Variants in DMD observed in about 807,000 individuals in gnomAD.
The protein encoded by DMD is mutant dystrophin.
In DMD, 63 loss-of-function variants were observed where a neutral mutation model predicts 330.1. The observed-to-expected ratio is 0.19, with a 90% confidence interval of 0.16 to 0.24. DMD has a LOEUF of 0.24. Ranked by LOEUF, DMD falls within the 10% of genes least tolerant of loss-of-function variation. The pLI is 1.00. For missense variants in DMD, 3,344 were observed against 2,684.1 expected (o/e 1.25, Z -5.43); for synonymous variants, 1,223 against 959.8 (o/e 1.27, Z -5.07).
intron 63 of DMD, among the ~76,000 whole-genome samples, chrX:31,236,808 CTCTT>C (rs1343598910): frequency 1.8e-5 from 2 of 111,713 alleles, no homozygotes; most frequent in African/African-American, 6.5e-5. Context: ...GCAAAATTTC[CTCTT>C]TATTTATAGC....
chrX:32,852,991 C>T (rs932048427), intron 2 of DMD, among the ~76,000 whole-genome samples: 2 of 111,862 alleles, frequency 1.8e-5, no homozygotes, highest in Non-Finnish European at 3.8e-5. Context: ...AGAAAAGATA[C>T]ATTCCAAAAA....
At chrX:32,613,641 C>G (rs981848567) in intron 12 of DMD, among the ~76,000 whole-genome samples, 1 of 110,371 alleles carries the variant, frequency 9.1e-6, no homozygotes, top group African/African-American at 3.3e-5. Flanking sequence ...AAAATCGTAG[C>G]CTTATTATTT....
intron 1 of DMD, among the ~76,000 whole-genome samples, chrX:33,220,875 T>C (rs10453776): frequency 0.036 from 4,042 of 111,958 alleles, 183 homozygotes; most frequent in African/African-American, 0.12. Context: ...AAGAATTAAT[T>C]GCTATTTATA....
At chrX:32,104,599 C>A (rs753675382) in intron 44 of DMD, among the ~76,000 whole-genome samples, 73 of 111,906 alleles carry the variant, frequency 6.5e-4, no homozygotes, top group African/African-American at 2.3e-3. Context: ...GCACAGTGAT[C>A]TAACCATCAT....
At chrX:31,644,867 T>C (rs2079992048) in intron 54 of DMD, among the ~76,000 whole-genome samples, 2 of 111,560 alleles carry the variant, frequency 1.8e-5, no homozygotes, top group Admixed American at 1.9e-4. Flanking sequence ...ATGAGAAGTG[T>C]ATGGGGGTTT....
At chrX:32,653,089 T>G (rs1266541325) in intron 9 of DMD, among the ~76,000 whole-genome samples, 1 of 111,725 alleles carries the variant, frequency 9.0e-6, no homozygotes, top group African/African-American at 3.3e-5. Flanking sequence ...TTGTAAAAAT[T>G]TTCTCCCATT....
At chrX:31,910,763 G>A (rs1187920648) in intron 47 of DMD, among the ~76,000 whole-genome samples, 1 of 111,745 alleles carries the variant, frequency 8.9e-6, no homozygotes, top group Non-Finnish European at 1.9e-5. Flanking sequence ...GACTTTCTAA[G>A]TGGACCAGGC....
At chrX:33,280,310 C>T (rs771852398) in intron 1 of DMD, among the ~76,000 whole-genome samples, 1 of 112,117 alleles carries the variant, frequency 8.9e-6, no homozygotes, top group African/African-American at 3.2e-5. Context: ...GAATATTTTG[C>T]ATAGCAAAAG....
At chrX:31,297,014 C>T (rs144444059) in intron 62 of DMD, among the ~76,000 whole-genome samples, 352 of 111,088 alleles carry the variant, frequency 3.2e-3, no homozygotes, top group African/African-American at 0.011. Flanking sequence ...TTCTAAAGCC[C>T]GTATTTAATT....
intron 2 of DMD, among the ~76,000 whole-genome samples, chrX:32,993,726 G>T (rs1472653210): frequency 3.6e-5 from 4 of 110,851 alleles, no homozygotes; most frequent in African/African-American, 1.3e-4. Context: ...GTGTGTTTTG[G>T]GGGGTACTGG....
At chrX:31,983,016 A>G (rs778657938) in intron 44 of DMD, among the ~76,000 whole-genome samples, 2 of 106,607 alleles carry the variant, frequency 1.9e-5, no homozygotes, top group Non-Finnish European at 3.9e-5. Flanking sequence ...CATGTCTACC[A>G]TGAACTATCT....
At chrX:32,981,795 G>A (rs1411256382) in intron 2 of DMD, among the ~76,000 whole-genome samples, 3 of 110,914 alleles carry the variant, frequency 2.7e-5, no homozygotes, top group Non-Finnish European at 3.8e-5. Context: ...TAGTGTGAAT[G>A]TATGTGGGGG....
chrX:31,339,529 T>C (rs781459681), intron 61 of DMD, among the ~76,000 whole-genome samples: 40 of 111,932 alleles, frequency 3.6e-4, no homozygotes, highest in African/African-American at 1.0e-3. Context: ...TCATCTCACA[T>C]TGGACCTGCA....
At chrX:33,180,407 T>G (rs1387785513) in intron 1 of DMD, among the ~76,000 whole-genome samples, 2 of 111,797 alleles carry the variant, frequency 1.8e-5, no homozygotes, top group Non-Finnish European at 3.8e-5. Context: ...AATACTTGTA[T>G]ACTTTTGAGG....
chrX:31,458,074 G>A (rs1020592889), intron 59 of DMD, among the ~76,000 whole-genome samples: 3 of 111,481 alleles, frequency 2.7e-5, no homozygotes, highest in Admixed American at 9.6e-5. Context: ...AAAGTCAAAC[G>A]AAAGGAACAG....
chrX:32,569,434 C>A (rs1332871058), intron 15 of DMD, among the ~76,000 whole-genome samples: 2 of 111,652 alleles, frequency 1.8e-5, no homozygotes, highest in Non-Finnish European at 3.8e-5. Context: ...TACAGAGGTT[C>A]TCATCTTGAA....
chrX:31,825,225 T>C (rs1391144042), intron 49 of DMD, among the ~76,000 whole-genome samples: 1 of 112,132 alleles, frequency 8.9e-6, no homozygotes, highest in Non-Finnish European at 1.9e-5. Context: ...TAACAGAAAG[T>C]AGCAATAGGA....
intron 26 of DMD, among the ~76,000 whole-genome samples, chrX:32,451,436 G>A (rs1336301628): frequency 9.0e-6 from 1 of 110,734 alleles, no homozygotes; most frequent in Non-Finnish European, 1.9e-5. Flanking sequence ...ACTTTCCAGA[G>A]TGTTTTTCAA....
intron 42 of DMD, among the ~76,000 whole-genome samples, chrX:32,297,268 TTTA>T (rs775790096): frequency 0.026 from 2,705 of 105,095 alleles, 96 homozygotes; most frequent in African/African-American, 0.09. Context: ...TATTTATTTA[TTTA>T]TTATTTATTT....
Sources: gnomAD v4.1 joint callset for allele counts (sites outside exome capture counted in the v4.1 genomes callset) on GRCh38, gnomAD v4.1.1 for gene constraint, MANE v1.5 for transcripts, NCBI Gene and HGNC (gene_info 2026-07-23, HGNC 2026-07-21) for gene names.